Variants in LGR5 observed in about 807,000 individuals in gnomAD.
The protein encoded by LGR5 is leucine rich repeat containing G protein-coupled receptor 5, also known as leucine-rich repeat-containing G protein-coupled receptor 5.
A neutral mutation model predicts 76.7 loss-of-function variants in LGR5; 54 were observed. The observed-to-expected ratio is 0.70, with a 90% confidence interval of 0.57 to 0.88. The LOEUF (loss-of-function observed/expected upper bound fraction) is 0.88. LGR5 is among the 40% of genes least tolerant of loss of function. The probability of loss-of-function intolerance (pLI) is 0.00; values close to 1 mark genes in which losing one functional copy is unlikely to be tolerated. For missense variants in LGR5, 1,078 were observed against 1,073.3 expected (o/e 1.00, Z -0.06); for synonymous variants, 406 against 421.9 (o/e 0.96, Z 0.46).
chr12:71,571,564 A>G lies in LGR5; in HGVS notation c.1121A>G (p.Gln374Arg), dbSNP rs768546866. 5.6e-6 allele frequency: 9 copies of G among 1,611,514 alleles called. No homozygotes were observed. The South Asian group carries it at 8.8e-5, about 16-fold the overall frequency. The change falls in exon 12 of 18, where the codon CAA becomes CGA. Residue 374 changes from glutamine to arginine, a missense_variant. Gln to Arg is a conservative substitution (Grantham distance 43). Transcript: ENST00000266674. ...LEDLPSFSVC[Q>R]KLQKIDLRHN... is the part of the protein sequence containing the mutation. ...GATTTACCCAGTTTTTCAGTCTGCC[A>G]AAAGCTTCAGAAAATGTAAGTCTAG...
chr12:71,505,419 G>T (rs1874804172), intron 2 of LGR5, among the ~76,000 whole-genome samples: 1 of 152,182 alleles, frequency 6.6e-6, no homozygotes, highest in Admixed American at 6.5e-5. Context: ...TGGGGATAAG[G>T]AGGTGATACC....
chr12:71,524,495 T>A lies in LGR5; in HGVS notation c.356+18T>A, dbSNP rs1410053310. ...AAAGTTCTGTAAGTAAACTGAGTGT[T>A]GTTGGATATATTTCTGATTTTAGTG... On this transcript the variant is annotated intron_variant, in intron 3 of 17. Coordinates refer to ENST00000266674, the MANE Select transcript of LGR5 (RefSeq NM_003667.4). The A allele has an allele frequency of 1.3e-6, 2 of 1,569,298 alleles. No homozygotes were observed. The highest frequency in any genetic ancestry group is 1.7e-5 in the Admixed American group (1 of 59,600).
At chr12:71,475,497 G>A (rs1873290546) in intron 1 of LGR5, among the ~76,000 whole-genome samples, 1 of 152,076 alleles carries the variant, frequency 6.6e-6, no homozygotes, top group Admixed American at 6.5e-5. Flanking sequence ...TGCTTTTCAG[G>A]CCTCCTAATG....
rs1871714575 is a variant in LGR5 at position 71,440,487 on chromosome 12, T to C, written c.212+195T>C. 6.6e-6 allele frequency among the ~76,000 whole-genome samples: 1 copy of C among 152,070 alleles called. No individual in the cohort carries two copies. Among genetic ancestry groups the C allele is most frequent in the Non-Finnish European group, 1.5e-5 (1 of 68,006 alleles). ...CTCGGGGAGTAGCGTGCCGGCACTT[T>C]CTGGACCCGCAGAGAAATGGCTTCG... On this transcript the variant is annotated intron_variant, in intron 1 of 17. Transcript: ENST00000266674. This position sits in a 1 kb window ranked among gnomAD's most constrained non-coding sequence, Gnocchi z 5.3.
chr12:71,500,943 A>G, intron 1 of LGR5, among the ~76,000 whole-genome samples: 1 of 152,228 alleles, frequency 6.6e-6, no homozygotes, highest in Non-Finnish European at 1.5e-5. Context: ...AACGGAAATC[A>G]ATCATCCATT....
intron 2 of LGR5, 143 bp from the exon 3 acceptor site, chr12:71,524,263 C>A: frequency 3.6e-6 from 2 of 554,712 alleles, no homozygotes. Context: ...ATATTTTTTG[C>A]AAAATATAAC....
intron 8 of LGR5, among the ~76,000 whole-genome samples, chr12:71,562,223 A>C (rs1293105040): frequency 6.6e-6 from 1 of 152,200 alleles, no homozygotes. Context: ...AAATTATTAT[A>C]TACAAATGGA....
chr12:71,509,042 G>A (rs1875011756), intron 2 of LGR5, among the ~76,000 whole-genome samples: 1 of 152,086 alleles, frequency 6.6e-6, no homozygotes. Flanking sequence ...CATAGAGAAG[G>A]GGAGTCTTTT....
intron 1 of LGR5, among the ~76,000 whole-genome samples, chr12:71,477,836 G>A (rs1314327130): frequency 6.6e-6 from 1 of 152,128 alleles, no homozygotes; most frequent in Non-Finnish European, 1.5e-5. Context: ...TTCCATGAGT[G>A]TTAGCTCTCC....
intron 3 of LGR5, among the ~76,000 whole-genome samples, chr12:71,524,891 T>TA (rs1592512857): frequency 6.6e-6 from 1 of 152,150 alleles, no homozygotes; most frequent in South Asian, 2.1e-4. Context: ...AAGCATCAGC[T>TA]AAAAAAACCA....
chr12:71,556,751 C>A, intron 6 of LGR5, 61 bp downstream of exon 6: 3 of 1,292,978 alleles, frequency 2.3e-6, no homozygotes, highest in South Asian at 2.4e-5. Flanking sequence ...TCTGAAGAAT[C>A]AAAATAGCCT....
chr12:71,581,940 C>T (rs887837575), intron 16 of LGR5, among the ~76,000 whole-genome samples: 1 of 152,194 alleles, frequency 6.6e-6, no homozygotes, highest in Admixed American at 6.5e-5. Context: ...GATCACAAAA[C>T]TCCTATTTCA....
At chr12:71,579,730 G>A (rs76106557) in intron 15 of LGR5, among the ~76,000 whole-genome samples, 13,636 of 152,124 alleles carry the variant, frequency 0.09, 757 homozygotes, top group Non-Finnish European at 0.12. Context: ...AATAGTCGGT[G>A]TTATTTATTC....
In LGR5 at chr12:71,488,047, G is replaced by A. The variant is rs914779195; in HGVS notation, c.213-16567G>A. Among the ~76,000 whole-genome samples, 58 of 152,136 alleles carry A rather than the reference G, an allele frequency of 3.8e-4. 1 individual carries two copies. The highest frequency in any genetic ancestry group is 3.7e-3 in the Admixed American group (56 of 15,272). ...TGAATTGCTCACCCAGGTATGTGTG[G>A]GAGCAAGTTTTAATATTAACTGTGT... is the stretch of plus-strand genomic sequence containing the variant. On this transcript the variant is annotated intron_variant, in intron 1 of 17. Coordinates refer to ENST00000266674, the MANE Select transcript of LGR5 (RefSeq NM_003667.4).
At chr12:71,477,787 G>A (rs1191757591) in intron 1 of LGR5, among the ~76,000 whole-genome samples, 1 of 152,124 alleles carries the variant, frequency 6.6e-6, no homozygotes, top group African/African-American at 2.4e-5. Context: ...CCCAACTCTA[G>A]GGCAGCTGGA....
chr12:71,557,430 T>G (rs1024770432), intron 6 of LGR5, among the ~76,000 whole-genome samples: 2 of 152,246 alleles, frequency 1.3e-5, no homozygotes, highest in African/African-American at 2.4e-5. Context: ...TATCCCATTT[T>G]AGGCTCTAGT....
chr12:71,484,943 T>C (rs186156135), intron 1 of LGR5, among the ~76,000 whole-genome samples: 13 of 152,218 alleles, frequency 8.5e-5, no homozygotes, highest in Non-Finnish European at 1.9e-4. Flanking sequence ...AATATAACCA[T>C]TTAATACGTG....
intron 1 of LGR5, among the ~76,000 whole-genome samples, chr12:71,458,239 T>A (rs1038831848): frequency 1.3e-5 from 2 of 152,270 alleles, no homozygotes; most frequent in Non-Finnish European, 2.9e-5. Flanking sequence ...TGGCTACTAA[T>A]CTCCTGCGCT....
intron 1 of LGR5, among the ~76,000 whole-genome samples, chr12:71,460,120 G>A (rs1306808399): frequency 6.6e-6 from 1 of 152,080 alleles, no homozygotes; most frequent in African/African-American, 2.4e-5. Context: ...GAATGGGGAG[G>A]TTTTCACCTA....
Sources: gnomAD v4.1 joint callset for allele counts (sites outside exome capture counted in the v4.1 genomes callset) on GRCh38, gnomAD v4.1.1 for gene constraint, Gnocchi (gnomAD v3.1) non-coding constraint, MANE v1.5 for transcripts, NCBI Gene and HGNC (gene_info 2026-07-23, HGNC 2026-07-21) for gene names.